Variants in PCCA observed in about 807,000 individuals in gnomAD.
PCCA encodes the protein propionyl-CoA carboxylase subunit alpha.
A neutral mutation model predicts 101.3 loss-of-function variants in PCCA; 74 were observed. The observed-to-expected ratio is 0.73, with a 90% CI of 0.61 to 0.89. PCCA has a LOEUF of 0.89. Ranked by LOEUF, PCCA falls within the 40% of genes least tolerant of loss-of-function variation. The probability of loss-of-function intolerance (pLI) is 0.00; values close to 1 mark genes in which losing one functional copy is unlikely to be tolerated. For synonymous variants in PCCA, 294 were observed against 313.6 expected, an observed-to-expected ratio of 0.94 and a Z score of 0.66; for missense variants, 891 against 907.0, an observed-to-expected ratio of 0.98 and a Z score of 0.23.
At chr13:100,409,455 G>C (rs546265147) in intron 19 of PCCA, among the ~76,000 whole-genome samples, 2 of 152,240 alleles carry the variant, frequency 1.3e-5, no homozygotes, top group East Asian at 3.9e-4. Flanking sequence ...GGGGAACAGG[G>C]ACTCAGCGAG....
chr13:100,528,594 G>C (rs771438241), intron 23 of PCCA, among the ~76,000 whole-genome samples: 3 of 152,240 alleles, frequency 2.0e-5, no homozygotes, highest in African/African-American at 7.2e-5. Context: ...AAGGGGCAGC[G>C]GGGATGTCAT....
At chr13:100,470,861 A>G (rs1424536346) in intron 21 of PCCA, among the ~76,000 whole-genome samples, 6 of 152,072 alleles carry the variant, frequency 3.9e-5, no homozygotes, top group Non-Finnish European at 8.8e-5. Flanking sequence ...TCTGTCTCAA[A>G]AAATAAAAAT....
chr13:100,138,770 C>CA (rs2051483830), intron 4 of PCCA, among the ~76,000 whole-genome samples: 1 of 151,336 alleles, frequency 6.6e-6, no homozygotes, highest in Admixed American at 6.6e-5. Flanking sequence ...CTGTCTCTAC[C>CA]AAAACTACAA....
At chr13:100,283,792 T>C (rs542010283) in intron 12 of PCCA, among the ~76,000 whole-genome samples, 80 of 152,316 alleles carry the variant, frequency 5.3e-4, no homozygotes, top group Non-Finnish European at 1.1e-3. Flanking sequence ...AGCAGGCCAA[T>C]CACCTGGTAG....
intron 4 of PCCA, among the ~76,000 whole-genome samples, chr13:100,136,307 T>G (rs1018020687): frequency 6.6e-6 from 1 of 150,690 alleles, no homozygotes; most frequent in African/African-American, 2.4e-5. Context: ...TGCCTCAGCA[T>G]CTCAAGTAGC....
chr13:100,449,403 A>G, intron 21 of PCCA, 98 bp downstream of exon 21: 1 of 672,984 alleles, frequency 1.5e-6, no homozygotes, highest in East Asian at 2.8e-5. Context: ...TTACTGCTAG[A>G]TATTTAAATT....
intron 4 of PCCA, among the ~76,000 whole-genome samples, chr13:100,121,702 C>T (rs534430939): frequency 6.6e-6 from 1 of 152,014 alleles, no homozygotes; most frequent in South Asian, 2.1e-4. Flanking sequence ...GCTCAAACTC[C>T]TGACCTTGTG....
intron 7 of PCCA, among the ~76,000 whole-genome samples, chr13:100,217,405 C>G (rs1259381856): frequency 6.6e-6 from 1 of 150,514 alleles, no homozygotes; most frequent in Admixed American, 6.6e-5. Flanking sequence ...GATCATGCCA[C>G]TGCACCCCAG....
At chr13:100,212,358 A>T (rs2059267344) in intron 7 of PCCA, among the ~76,000 whole-genome samples, 2 of 152,232 alleles carry the variant, frequency 1.3e-5, no homozygotes, top group Non-Finnish European at 2.9e-5. Context: ...ACTACATGGG[A>T]CACATAGTAG....
intron 22 of PCCA, among the ~76,000 whole-genome samples, chr13:100,521,444 C>T (rs1389405719): frequency 6.6e-6 from 1 of 152,216 alleles, no homozygotes; most frequent in Non-Finnish European, 1.5e-5. Context: ...CGTCTCCTGC[C>T]CGCCTGGTCT....
At chr13:100,412,762 T>G (rs1242156388) in intron 19 of PCCA, among the ~76,000 whole-genome samples, 1 of 152,002 alleles carries the variant, frequency 6.6e-6, no homozygotes, top group African/African-American at 2.4e-5. Flanking sequence ...ATGTGATGAG[T>G]GGGTCTGGGG....
chr13:100,151,113 C>CT, intron 4 of PCCA: 1 of 1,210,514 alleles, frequency 8.3e-7, no homozygotes, highest in Non-Finnish European at 1.2e-6. Context: ...TACCTGATGG[C>CT]TGCTGCCAGA....
At chr13:100,316,597 G>A (rs1411548216) in intron 16 of PCCA, among the ~76,000 whole-genome samples, 1 of 151,784 alleles carries the variant, frequency 6.6e-6, no homozygotes, top group African/African-American at 2.4e-5. Context: ...CTCTTTTTTT[G>A]TTCAAATTGT....
At chr13:100,187,856 G>A (rs770051720) in intron 6 of PCCA, among the ~76,000 whole-genome samples, 1 of 152,096 alleles carries the variant, frequency 6.6e-6, no homozygotes, top group African/African-American at 2.4e-5. Flanking sequence ...AGCCACCCAA[G>A]CAGTGTACAC....
intron 19 of PCCA, among the ~76,000 whole-genome samples, chr13:100,369,089 C>G (rs564519110): frequency 2.6e-5 from 4 of 152,222 alleles, no homozygotes; most frequent in Non-Finnish European, 5.9e-5. Flanking sequence ...CTATAGTGAA[C>G]AAGATTACAG....
In PCCA at chr13:100,119,372, T is replaced by C. The variant is rs561013923; in HGVS notation, c.300+7311T>C. ...GATTCTATGTTTGGTGCTTTTGTTG[T>C]TGAATTTCAAGATGGTTTGGGTTAT... On this transcript the variant is annotated intron_variant, in intron 4 of 23. Transcript: ENST00000376285. Among the ~76,000 whole-genome samples the C allele has an allele frequency of 2.0e-5, 3 of 152,306 alleles. No individual in the cohort carries two copies. In the South Asian group the frequency reaches 6.2e-4, roughly 32 times the overall value.
Position 100,235,832 on chromosome 13 carries a change from G to A in PCCA, c.601-10G>A, listed in dbSNP as rs903647084. The A allele has an allele frequency of 1.2e-6, 2 of 1,601,054 alleles. No homozygotes were observed. The highest frequency in any genetic ancestry group is 1.7e-6 in the Non-Finnish European group (2 of 1,168,292). ...GGATTAATGTTGAGTCTCATTTCCTGCTTTTACAGGATGCAGAAGAAGCTG... is the reference window on the plus strand; with the variant it reads ...GGATTAATGTTGAGTCTCATTTCCTACTTTTACAGGATGCAGAAGAAGCTG... On this transcript the variant is annotated splice_polypyrimidine_tract_variant and intron_variant, in intron 7 of 23. Transcript: ENST00000376285.
intron 12 of PCCA, among the ~76,000 whole-genome samples, chr13:100,290,370 C>T (rs1221521528): frequency 6.6e-6 from 1 of 151,984 alleles, no homozygotes; most frequent in Non-Finnish European, 1.5e-5. Context: ...TGCTGCCACG[C>T]CTGGCTAATT....
chr13:100,103,783 G>A (rs985466436), intron 2 of PCCA, among the ~76,000 whole-genome samples: 7 of 150,876 alleles, frequency 4.6e-5, no homozygotes, highest in Non-Finnish European at 7.4e-5. Flanking sequence ...TTACAGGTGC[G>A]CCCCACCACG....
Sources: gnomAD v4.1 joint callset for allele counts (sites outside exome capture counted in the v4.1 genomes callset) on GRCh38, gnomAD v4.1.1 for gene constraint, MANE v1.5 for transcripts, NCBI Gene and HGNC (gene_info 2026-07-23, HGNC 2026-07-21) for gene names.